TMEM132D: variants seen among roughly 807,000 people sequenced by gnomAD.
The protein encoded by TMEM132D is mature OL transmembrane protein.
A neutral mutation model predicts 62.3 loss-of-function variants in TMEM132D; 21 were observed. The ratio of observed to expected loss-of-function variants is 0.34; its 90% CI spans 0.24 to 0.49. TMEM132D has a LOEUF of 0.49. Among genes scored for constraint, TMEM132D ranks in the 20% least tolerant of loss-of-function variants. TMEM132D has a pLI of 0.99. For synonymous variants in TMEM132D, 621 were observed against 575.6 expected, an observed-to-expected ratio of 1.08 and a Z score of -1.13; for missense variants, 1,346 against 1,402.8, an observed-to-expected ratio of 0.96 and a Z score of 0.65.
chr12:129,611,798 GA>G (rs1878781217), intron 2 of TMEM132D, among the ~76,000 whole-genome samples: 1 of 152,142 alleles, frequency 6.6e-6, no homozygotes, highest in Non-Finnish European at 1.5e-5. Context: ...CAATTGTAGG[GA>G]AAGTCTGGAG....
chr12:129,503,051 C>A (rs144543149), intron 3 of TMEM132D, among the ~76,000 whole-genome samples: 1 of 152,140 alleles, frequency 6.6e-6, no homozygotes, highest in Non-Finnish European at 1.5e-5. Context: ...AAATATTTAA[C>A]GAGTGAATGA....
intron 3 of TMEM132D, among the ~76,000 whole-genome samples, chr12:129,356,053 G>A (rs1016522310): frequency 3.3e-5 from 5 of 151,864 alleles, no homozygotes; most frequent in African/African-American, 1.2e-4. Flanking sequence ...TACTTTCCCT[G>A]AGCATTTACT....
intron 5 of TMEM132D, among the ~76,000 whole-genome samples, chr12:129,127,924 G>A (rs141363949): frequency 9.2e-5 from 14 of 152,312 alleles, no homozygotes; most frequent in East Asian, 1.9e-4. Flanking sequence ...TTCTTGCTAC[G>A]CCCTGAGGCT....
At chr12:129,826,813 T>TG (rs1238411874) in intron 1 of TMEM132D, among the ~76,000 whole-genome samples, 2 of 151,860 alleles carry the variant, frequency 1.3e-5, no homozygotes, top group East Asian at 1.9e-4. Flanking sequence ...AATGCAGGTG[T>TG]GGGGAGAAGC....
intron 1 of TMEM132D, among the ~76,000 whole-genome samples, chr12:129,782,415 C>A (rs531447236): frequency 1.3e-5 from 2 of 152,300 alleles, no homozygotes; most frequent in South Asian, 4.1e-4. Context: ...GTTGATTTAC[C>A]TTTCTGTGCC....
In TMEM132D at chr12:129,608,972, G is replaced by A. The variant is rs180925009; in HGVS notation, c.969-77767C>T. ...TTTTTTTTTTTTGAGATGGAGTCTC[G>A]CTCTGTCACCCAGGCTGGAGTGTAG... On this transcript the variant is annotated intron_variant, in intron 2 of 8. Coordinates refer to ENST00000422113, the MANE Select transcript of TMEM132D (RefSeq NM_133448.3). Among the ~76,000 whole-genome samples the A allele has an allele frequency of 8.3e-5, 12 of 144,258 alleles. No homozygotes were observed. The East Asian group carries it at 1.4e-3, about 17-fold the overall frequency. 94.6% of individuals were successfully genotyped at this position (144,258 alleles called of 152,430 possible).
At chr12:129,133,896 G>T (rs1031575183) in intron 5 of TMEM132D, among the ~76,000 whole-genome samples, 3 of 152,180 alleles carry the variant, frequency 2.0e-5, no homozygotes, top group Non-Finnish European at 4.4e-5. Flanking sequence ...CTCCGGAGTT[G>T]GTACACTGGT....
intron 3 of TMEM132D, among the ~76,000 whole-genome samples, chr12:129,372,184 T>A (rs1870624812): frequency 6.6e-6 from 1 of 152,194 alleles, no homozygotes; most frequent in Admixed American, 6.5e-5. Context: ...TACAAGGAAG[T>A]AGCTCTGCCA....
chr12:129,074,387 C>CCAAA lies in TMEM132D; in HGVS notation c.2784_2787dup (p.Ala930PhefsTer35). The CCAAA allele has an allele frequency of 6.2e-7, 1 of 1,613,920 alleles. No homozygotes were observed. The highest frequency in any genetic ancestry group is 8.5e-7 in the Non-Finnish European group (1 of 1,180,016). The stretch of plus-strand genomic sequence containing the variant: ...CAGTTTATCAAGAAGACCAAAATGG[C>CCAAA]CAAACAGAAGACTCCCAACAAAGCA... On this transcript the variant is annotated frameshift_variant, in exon 9 of 9. Coordinates refer to ENST00000422113, the MANE Select transcript of TMEM132D (RefSeq NM_133448.3). LOFTEE classifies it low-confidence loss of function (END_TRUNC).
chr12:129,521,213 G>A (rs937693320), intron 3 of TMEM132D: 4 of 152,178 alleles, frequency 2.6e-5, no homozygotes, highest in Admixed American at 1.3e-4. Context: ...CTTGTGATAC[G>A]AGTTGAATTT....
intron 2 of TMEM132D, among the ~76,000 whole-genome samples, chr12:129,597,105 C>T (rs972518732): frequency 1.3e-5 from 2 of 151,944 alleles, no homozygotes; most frequent in African/African-American, 2.4e-5. Context: ...ATGATATTTT[C>T]GTCCTTGGAC....
intron 1 of TMEM132D, among the ~76,000 whole-genome samples, chr12:129,893,060 A>G (rs1874980976): frequency 6.6e-6 from 1 of 152,104 alleles, no homozygotes; most frequent in Non-Finnish European, 1.5e-5. Flanking sequence ...TGCTTTTAGT[A>G]GAGACAGGGT....
At chr12:129,450,082 A>T (rs1873227425) in intron 3 of TMEM132D, among the ~76,000 whole-genome samples, 1 of 151,988 alleles carries the variant, frequency 6.6e-6, no homozygotes, top group Non-Finnish European at 1.5e-5. Context: ...TCGTAAATTT[A>T]AGTTCCTTAT....
At chr12:129,124,842 C>T (rs1456592155) in intron 5 of TMEM132D, among the ~76,000 whole-genome samples, 1 of 152,136 alleles carries the variant, frequency 6.6e-6, no homozygotes, top group Non-Finnish European at 1.5e-5. Context: ...TTGGGAAGAC[C>T]TATGCATCAT....
intron 5 of TMEM132D, among the ~76,000 whole-genome samples, chr12:129,100,977 A>C (rs911823212): frequency 6.6e-6 from 1 of 152,172 alleles, no homozygotes; most frequent in African/African-American, 2.4e-5. Flanking sequence ...GAAGCTCTGC[A>C]GTGCCAGTCA....
chr12:129,247,504 A>T (rs1880154175), intron 4 of TMEM132D, among the ~76,000 whole-genome samples: 1 of 152,226 alleles, frequency 6.6e-6, no homozygotes. Flanking sequence ...TGACCATAAA[A>T]GCCAAATCCT....
chr12:129,610,590 A>C (rs1187686677), intron 2 of TMEM132D, among the ~76,000 whole-genome samples: 1 of 152,146 alleles, frequency 6.6e-6, no homozygotes, highest in African/African-American at 2.4e-5. Context: ...AGGTACTCTG[A>C]GAAACCACCG....
intron 2 of TMEM132D, among the ~76,000 whole-genome samples, chr12:129,616,454 T>C (rs769376898): frequency 2.0e-5 from 3 of 152,184 alleles, no homozygotes; most frequent in Admixed American, 6.5e-5. Context: ...ACTTAATTAT[T>C]GATATGGTTT....
chr12:129,284,297 TG>T (rs1309008443), intron 4 of TMEM132D, among the ~76,000 whole-genome samples: 1 of 152,238 alleles, frequency 6.6e-6, no homozygotes, highest in Non-Finnish European at 1.5e-5. Flanking sequence ...CCCAGATGCC[TG>T]AAGACCCATC....
Sources: allele counts gnomAD v4.1 joint callset (sites outside exome capture counted in the v4.1 genomes callset), GRCh38; gene constraint gnomAD v4.1.1; transcripts MANE v1.5; gene names NCBI Gene and HGNC (gene_info 2026-07-23, HGNC 2026-07-21).